SMC1B: variants seen among roughly 807,000 people sequenced by gnomAD.
SMC1B encodes structural maintenance of chromosomes 1B.
Under a neutral mutation model 157.9 loss-of-function variants are expected in SMC1B, and 60 were observed. The observed-to-expected ratio is 0.38, with a 90% CI of 0.31 to 0.47. The LOEUF is 0.47. SMC1B is among the 20% of genes least tolerant of loss of function. The probability of loss-of-function intolerance (pLI) is 0.99; values close to 1 mark genes in which losing one functional copy is unlikely to be tolerated. For synonymous variants in SMC1B, 445 were observed against 483.0 expected (o/e 0.92, Z 1.03); for missense variants, 1,165 against 1,426.2 (o/e 0.82, Z 2.95).
chr22:45,411,320 T>C lies in SMC1B; in HGVS notation c.109+2139A>G, dbSNP rs562398767. On this transcript the variant is annotated intron_variant, in intron 1 of 24. Transcript: ENST00000357450. ...TGAATCTGAAAAACATTATGCTAAG[T>C]GAAAGAAGTCAGACACAAAAGGCCA... Among the ~76,000 whole-genome samples the C allele has an allele frequency of 1.5e-3, 225 of 152,324 alleles. 1 individual carries two copies. Among genetic ancestry groups the C allele is most frequent in the African/African-American group, 4.7e-3 (196 of 41,572 alleles).
Position 45,402,422 on chromosome 22 carries a change from A to G in SMC1B, c.765T>C (p.Ser255=). The change falls in exon 5 of 25, where the codon TCT becomes TCC. Residue 255 remains serine, a synonymous_variant. Coordinates refer to ENST00000357450, the MANE Select transcript of SMC1B (RefSeq NM_148674.5). ...VNRDLSVKRE[S]LSHHENIVKA... ...TAACTATGTTTTCATGATGAGACAAAGACTCTCTTTTGACACTCAAATCCC... is the reference window on the plus strand; with the variant it reads ...TAACTATGTTTTCATGATGAGACAAGGACTCTCTTTTGACACTCAAATCCC... 2 of 1,613,934 alleles carry G rather than the reference A, an allele frequency of 1.2e-6. No individual in the cohort carries two copies. The highest frequency in any genetic ancestry group is 1.7e-6 in the Non-Finnish European group (2 of 1,179,946).
At chr22:45,374,273 A>G (rs889233767) in intron 12 of SMC1B, among the ~76,000 whole-genome samples, 4 of 152,088 alleles carry the variant, frequency 2.6e-5, no homozygotes, top group Non-Finnish European at 5.9e-5. Flanking sequence ...GTCACAATAA[A>G]AAGATTTATA....
intron 12 of SMC1B, among the ~76,000 whole-genome samples, chr22:45,377,405 A>G (rs1353169720): frequency 6.6e-6 from 1 of 151,876 alleles, no homozygotes; most frequent in Non-Finnish European, 1.5e-5. Context: ...TTGGGAGGCC[A>G]AGGCAGGCAG....
At chr22:45,355,585 C>G (rs2086661648) in intron 19 of SMC1B, among the ~76,000 whole-genome samples, 1 of 152,140 alleles carries the variant, frequency 6.6e-6, no homozygotes, top group Non-Finnish European at 1.5e-5. Flanking sequence ...TCCCGAGTAG[C>G]TGGGATTTAA....
At chr22:45,361,234 C>G (rs2086718559) in intron 17 of SMC1B, among the ~76,000 whole-genome samples, 1 of 152,182 alleles carries the variant, frequency 6.6e-6, no homozygotes, top group Admixed American at 6.5e-5. Context: ...GAGGGAATCT[C>G]TGTACAACAG....
rs1292750227 is a variant in SMC1B at position 45,361,856 on chromosome 22, C to T, written c.2691G>A (p.Lys897=). The change falls in exon 17 of 25, where the codon AAG becomes AAA. Residue 897 remains lysine, a synonymous_variant. Coordinates refer to ENST00000357450, the MANE Select transcript of SMC1B (RefSeq NM_148674.5). ...VQTQIEEERK[K]FLAVDREVGK... Reference sequence around the variant, plus strand: ...TTAATTACCTATCAACAGCCAGAAACTTCTTCCGTTCCTCTTCAATTTGAG... The same window carrying T: ...TTAATTACCTATCAACAGCCAGAAATTTCTTCCGTTCCTCTTCAATTTGAG... 6 of 1,613,878 alleles carry T rather than the reference C, an allele frequency of 3.7e-6. No individual in the cohort carries two copies. The highest frequency in any genetic ancestry group is 1.7e-5 in the Admixed American group (1 of 59,966).
intron 14 of SMC1B, among the ~76,000 whole-genome samples, chr22:45,370,483 G>A (rs540293939): frequency 2.8e-4 from 42 of 152,278 alleles, no homozygotes; most frequent in African/African-American, 1.0e-3. Flanking sequence ...ACTTGGAAAA[G>A]CTAGAATGGG....
rs375353890 is a variant in SMC1B, at chr22:45,397,632, TA to T, written c.1114-1147del. Among the ~76,000 whole-genome samples the T allele has an allele frequency of 6.6e-4, 101 of 152,336 alleles. 1 individual carries two copies. Among genetic ancestry groups the T allele is most frequent in the African/African-American group, 2.3e-3 (96 of 41,590 alleles). The stretch of plus-strand genomic sequence containing the variant: ...ATTGATCCCTACCCTTCACCTATTT[TA>T]CATACACCTACCCTTCCCTAATTGG... On this transcript the variant is annotated intron_variant, in intron 6 of 24. Transcript: ENST00000357450.
chr22:45,408,038 T>C (rs1480925386), intron 2 of SMC1B, among the ~76,000 whole-genome samples: 2 of 152,224 alleles, frequency 1.3e-5, no homozygotes, highest in Non-Finnish European at 2.9e-5. Context: ...GCATACAATT[T>C]GTTCATCACT....
chr22:45,359,190 T>G (rs2086697845), intron 18 of SMC1B, among the ~76,000 whole-genome samples: 1 of 152,202 alleles, frequency 6.6e-6, no homozygotes, highest in African/African-American at 2.4e-5. Flanking sequence ...GATAAGAGAT[T>G]TCAGCATCCT....
At chr22:45,367,003 G>A (rs1175004811) in intron 15 of SMC1B, among the ~76,000 whole-genome samples, 4 of 152,142 alleles carry the variant, frequency 2.6e-5, no homozygotes, top group East Asian at 1.9e-4. Flanking sequence ...AAGCTTCTCC[G>A]ATAAATTTCT....
chr22:45,345,393 T>G, intron 24 of SMC1B, 66 bp downstream of exon 24: 7 of 893,524 alleles, frequency 7.8e-6, no homozygotes, highest in Non-Finnish European at 1.3e-5. Context: ...GAAAGCCCAG[T>G]GGCTGTCAGG....
At chr22:45,345,710 TCAA>T (rs2086544495) in intron 23 of SMC1B, 141 bp from the exon 24 acceptor site, 2 of 593,060 alleles carry the variant, frequency 3.4e-6, no homozygotes, top group Non-Finnish European at 3.0e-6. Context: ...CAATAAATCC[TCAA>T]CAACTGCAGA....
In SMC1B at chr22:45,362,895, T is replaced by A. The variant is rs2086735639; in HGVS notation, c.2552A>T (p.His851Leu). ...CCCATTATTAATTACCTTCTTTAGG[T>A]GATCAATATCTTCACTACCTTTCTG... ...TIQKGSEDIDHLKKAEENCLQ... is the reference protein window; with the variant it reads ...TIQKGSEDIDLLKKAEENCLQ... The change falls in exon 16 of 25, where the codon CAC (histidine) becomes CTC (leucine). Residue 851 changes from histidine (H) to leucine (L), a missense_variant. Coordinates refer to ENST00000357450, the MANE Select transcript of SMC1B (RefSeq NM_148674.5). 2 of 1,592,860 alleles carry A rather than the reference T, an allele frequency of 1.3e-6. No individual in the cohort carries two copies. The highest frequency in any genetic ancestry group is 4.5e-5 in the East Asian group (2 of 44,586).
rs982588326 is a variant in SMC1B at position 45,397,327 on chromosome 22, G to C, written c.1114-841C>G. On this transcript the variant is annotated intron_variant, in intron 6 of 24. Transcript: ENST00000357450. ...AGCCCAGGAGTTTGAGACCAGCCTA[G>C]GCAACACAGTGTGACCTCATCTCTA... 3.3e-5 allele frequency among the ~76,000 whole-genome samples: 5 copies of C among 152,112 alleles called. No homozygotes were observed. The East Asian group carries it at 9.7e-4, about 29-fold the overall frequency.
At chr22:45,386,405 A>G (rs1036443113) in intron 11 of SMC1B, among the ~76,000 whole-genome samples, 25 of 104,548 alleles carry the variant, frequency 2.4e-4, no homozygotes, top group Admixed American at 2.1e-3. Flanking sequence ...TCTCATTTCA[A>G]TTGTGTTTTC....
At chr22:45,389,039 G>T in intron 10 of SMC1B, among the ~76,000 whole-genome samples, 1 of 141,428 alleles carries the variant, frequency 7.1e-6, no homozygotes, top group East Asian at 2.1e-4. Context: ...GAAAAATTAA[G>T]ACTATATTAA....
Position 45,399,336 on chromosome 22 carries a change from A to G in SMC1B, c.872T>C (p.Leu291Ser), listed in dbSNP as rs1404794771. 6.2e-7 allele frequency: 1 copy of G among 1,610,296 alleles called. No homozygotes were observed. The highest frequency in any genetic ancestry group is 1.1e-5 in the South Asian group (1 of 89,772). ...AATGTACTGAGGCCTCTTCTGATTT[A>G]AAAGGGTTTCAACCGATCTGAAAAG... ...EKELKSVETL[L>S]NQKRPQYIKA... The change falls in exon 6 of 25, where the codon TTA (leucine) becomes TCA (serine). Residue 291 changes from leucine to serine, a missense_variant. Physicochemically the swap from Leu to Ser is moderately radical, Grantham distance 145. Coordinates refer to ENST00000357450, the MANE Select transcript of SMC1B (RefSeq NM_148674.5).
chr22:45,347,816 C>T lies in SMC1B; in HGVS notation c.3495+1912G>A, dbSNP rs1206583792. On this transcript the variant is annotated intron_variant, in intron 23 of 24. Transcript: ENST00000357450. ...TCTCTCAACATGACCAGAGCAGCCA[C>T]CCTGTAAGCAGCCGTTAATGCAAAG... Among the ~76,000 whole-genome samples, 9 of 152,140 alleles carry T rather than the reference C, an allele frequency of 5.9e-5. No individual in the cohort carries two copies. In the East Asian group the frequency reaches 1.7e-3, roughly 29 times the overall value.
Sources: allele counts gnomAD v4.1 joint callset (sites outside exome capture counted in the v4.1 genomes callset), GRCh38; gene constraint gnomAD v4.1.1; transcripts MANE v1.5; gene names NCBI Gene and HGNC (gene_info 2026-07-23, HGNC 2026-07-21).